RABGAP1L: variants seen among roughly 807,000 people sequenced by gnomAD.
The protein encoded by RABGAP1L is rab GTPase-activating protein 1-like.
Under a neutral mutation model 137.7 loss-of-function variants are expected in RABGAP1L, and 63 were observed. The observed-to-expected ratio is 0.46, with a 90% CI of 0.37 to 0.56. The LOEUF is 0.56. Among genes scored for constraint, RABGAP1L ranks in the 20% least tolerant of loss-of-function variants. The pLI is 0.00. For synonymous variants in RABGAP1L, 431 were observed against 433.7 expected (o/e 0.99, Z 0.08); for missense variants, 1,095 against 1,244.0 (o/e 0.88, Z 1.80).
intron 13 of RABGAP1L, among the ~76,000 whole-genome samples, chr1:174,549,928 G>A (rs74126828): frequency 0.035 from 5,282 of 152,152 alleles, 121 homozygotes; most frequent in Middle Eastern, 0.088. Context: ...GCTACTTGGG[G>A]GGCTGAGGTG....
intron 13 of RABGAP1L, among the ~76,000 whole-genome samples, chr1:174,528,029 T>C (rs1199383942): frequency 6.6e-6 from 1 of 151,954 alleles, no homozygotes; most frequent in East Asian, 1.9e-4. Flanking sequence ...TTTCATTCTA[T>C]ATGTGTCTTT....
At chr1:174,698,826 T>C (rs1172104287) in intron 15 of RABGAP1L, among the ~76,000 whole-genome samples, 2 of 152,052 alleles carry the variant, frequency 1.3e-5, no homozygotes, top group East Asian at 3.9e-4. Context: ...TGTAATTATT[T>C]TATTTGCATA....
At chr1:174,180,991 C>T (rs544712271) in intron 1 of RABGAP1L, among the ~76,000 whole-genome samples, 26 of 152,126 alleles carry the variant, frequency 1.7e-4, no homozygotes, top group East Asian at 9.6e-4. Flanking sequence ...AATTCACAGA[C>T]GAGAAAACAG....
chr1:174,697,479 C>A (rs560377446), intron 15 of RABGAP1L, among the ~76,000 whole-genome samples: 177 of 152,284 alleles, frequency 1.2e-3, no homozygotes, highest in African/African-American at 4.0e-3. Context: ...CACCAACATG[C>A]CCAGCTATTT....
intron 11 of RABGAP1L, among the ~76,000 whole-genome samples, chr1:174,366,821 A>AACAGTATCTT (rs1684670061): frequency 1.3e-5 from 2 of 150,944 alleles, no homozygotes; most frequent in Non-Finnish European, 2.9e-5. Context: ...GTTTAGCACT[A>AACAGTATCTT]ACAGTATCTT....
chr1:174,644,427 C>T (rs916405474), intron 14 of RABGAP1L, among the ~76,000 whole-genome samples: 29 of 151,784 alleles, frequency 1.9e-4, no homozygotes, highest in African/African-American at 6.8e-4. Flanking sequence ...AATGGATAAA[C>T]TTAGAATAAA....
chr1:174,287,735 T>C (rs1315450974), intron 10 of RABGAP1L, among the ~76,000 whole-genome samples: 1 of 152,116 alleles, frequency 6.6e-6, no homozygotes, highest in East Asian at 1.9e-4. Flanking sequence ...TCAAGTAATC[T>C]GCCCGCCTCA....
chr1:174,730,886 A>G (rs1200120988), intron 17 of RABGAP1L, among the ~76,000 whole-genome samples: 1 of 152,194 alleles, frequency 6.6e-6, no homozygotes, highest in Non-Finnish European at 1.5e-5. Context: ...AATGAGTAGA[A>G]AGTTTTTTCC....
At chr1:174,889,063 T>G (rs1655659056) in intron 19 of RABGAP1L, among the ~76,000 whole-genome samples, 1 of 152,158 alleles carries the variant, frequency 6.6e-6, no homozygotes, top group South Asian at 2.1e-4. Context: ...TCTAGCTGAG[T>G]ACTTAATTAG....
intron 11 of RABGAP1L, among the ~76,000 whole-genome samples, chr1:174,311,481 A>G (rs1008517082): frequency 7.9e-5 from 12 of 152,142 alleles, no homozygotes; most frequent in Admixed American, 6.6e-4. Context: ...CCATGACTTC[A>G]ATTGTTTTGA....
chr1:174,818,702 C>T (rs1293641074), intron 19 of RABGAP1L, among the ~76,000 whole-genome samples: 13 of 151,556 alleles, frequency 8.6e-5, no homozygotes, highest in African/African-American at 3.2e-4. Flanking sequence ...GAAGTGAGAC[C>T]CCATCTCTAC....
At chr1:174,722,885 A>C (rs1238917692) in intron 17 of RABGAP1L, among the ~76,000 whole-genome samples, 1 of 152,112 alleles carries the variant, frequency 6.6e-6, no homozygotes, top group Non-Finnish European at 1.5e-5. Flanking sequence ...CCGAGGCTGC[A>C]CCCTCAGCCA....
At chr1:174,814,864 T>G (rs1415811736) in intron 19 of RABGAP1L, among the ~76,000 whole-genome samples, 1 of 152,114 alleles carries the variant, frequency 6.6e-6, no homozygotes, top group Non-Finnish European at 1.5e-5. Context: ...ATTTTTGTAT[T>G]TTTAGTAGAG....
intron 20 of RABGAP1L, among the ~76,000 whole-genome samples, chr1:174,962,414 T>C (rs1440479901): frequency 6.6e-6 from 1 of 152,154 alleles, no homozygotes; most frequent in Non-Finnish European, 1.5e-5. Flanking sequence ...TTTAACCTCA[T>C]TCTTGAGATT....
At chr1:174,757,265 T>A in intron 18 of RABGAP1L, 1 of 195,310 alleles carries the variant, frequency 5.1e-6, no homozygotes, top group South Asian at 9.6e-5. Flanking sequence ...TATGGACATT[T>A]GTTTCCAGAA....
intron 19 of RABGAP1L, among the ~76,000 whole-genome samples, chr1:174,921,883 G>A (rs990680909): frequency 6.6e-6 from 1 of 152,122 alleles, no homozygotes; most frequent in East Asian, 1.9e-4. Flanking sequence ...TGCATTTGTA[G>A]GTGAGCACTA....
At chr1:174,521,609 G>A (rs79876013) in intron 13 of RABGAP1L, among the ~76,000 whole-genome samples, 3,282 of 152,260 alleles carry the variant, frequency 0.022, 125 homozygotes, top group African/African-American at 0.076. Flanking sequence ...GAAAATTAGC[G>A]TGGAGATAAG....
At chr1:174,447,890 G>GCCCCCCC (rs11321562) in intron 13 of RABGAP1L, among the ~76,000 whole-genome samples, 18 of 69,626 alleles carry the variant, frequency 2.6e-4, no homozygotes, top group South Asian at 6.0e-4. Flanking sequence ...ACCCCTTACC[G>GCCCCCCC]CCCCCCCCCC....
At chr1:174,624,183 C>G (rs1345198817) in intron 13 of RABGAP1L, among the ~76,000 whole-genome samples, 1 of 152,148 alleles carries the variant, frequency 6.6e-6, no homozygotes, top group Non-Finnish European at 1.5e-5. Flanking sequence ...TTGTTTATAC[C>G]ACACTCGCTG....
Sources: gnomAD v4.1 joint callset for allele counts (sites outside exome capture counted in the v4.1 genomes callset) on GRCh38, gnomAD v4.1.1 for gene constraint, MANE v1.5 for transcripts, NCBI Gene and HGNC (gene_info 2026-07-23, HGNC 2026-07-21) for gene names.